Variants in STK32C observed in about 807,000 individuals in gnomAD.
STK32C encodes the protein serine/threonine-protein kinase 32C.
A neutral mutation model predicts 56.5 loss-of-function variants in STK32C; 31 were observed. That is an observed-to-expected ratio of 0.55 (90% CI 0.41 to 0.74). STK32C has a LOEUF of 0.74. STK32C is among the 30% of genes least tolerant of loss of function. STK32C has a pLI of 0.00. For missense variants in STK32C, 544 were observed against 676.9 expected (o/e 0.80, Z 2.18); for synonymous variants, 309 against 289.4 (o/e 1.07, Z -0.69).
At position 132,242,995 on chromosome 10, in the gene STK32C, G is replaced by A. The variant is rs536834711; in HGVS notation, c.318+2905C>T. ...TCCAGAGATGGGGCCCACCTTACAG[G>A]CCAGAGGGGCCGGGGCTCGGCATGG... On this transcript the variant is annotated intron_variant, in intron 2 of 11. Transcript: ENST00000298630. Among the ~76,000 whole-genome samples, 3 of 152,350 alleles carry A rather than the reference G, an allele frequency of 2.0e-5. No individual in the cohort carries two copies. In the South Asian group the frequency reaches 6.2e-4, roughly 32 times the overall value.
chr10:132,252,391 G>C (rs2063940598), intron 1 of STK32C, among the ~76,000 whole-genome samples: 3 of 152,272 alleles, frequency 2.0e-5, no homozygotes, highest in Admixed American at 2.0e-4. Context: ...AGAAGTGTGG[G>C]CATGGGTCGT....
intron 1 of STK32C, chr10:132,306,863 C>G (rs1477261648): frequency 1.3e-5 from 2 of 152,206 alleles, no homozygotes; most frequent in Non-Finnish European, 2.9e-5. Flanking sequence ...TTCGGGGGTC[C>G]CCGGGGCCCC....
chr10:132,207,549 T>C lies in STK32C; in HGVS notation c.*461A>G, dbSNP rs967122239. Reference sequence around the variant, plus strand: ...AAACTACAGAAATTGCTGGAGCAGTTTGAATCTCTAGAAAACATTCACCTC... The same window carrying C: ...AAACTACAGAAATTGCTGGAGCAGTCTGAATCTCTAGAAAACATTCACCTC... On this transcript the variant is annotated 3_prime_UTR_variant, in exon 12 of 12. Transcript: ENST00000298630. The C allele has an allele frequency of 1.9e-5, 3 of 157,504 alleles. No homozygotes were observed. Among genetic ancestry groups the C allele is most frequent in the South Asian group, 2.0e-4 (1 of 4,894 alleles). The allele number at this position is 157,504 out of a possible 1,614,324, so 9.8% of individuals were successfully genotyped here.
upstream of STK32C, among the ~76,000 whole-genome samples, chr10:132,308,489 A>T (rs978821933): frequency 6.8e-6 from 1 of 148,002 alleles, no homozygotes; most frequent in Admixed American, 6.7e-5. Flanking sequence ...CAGGCCCGGG[A>T]TGCGGGCGGC....
At chr10:132,306,425 C>A (rs2066063449) in intron 1 of STK32C, among the ~76,000 whole-genome samples, 1 of 152,242 alleles carries the variant, frequency 6.6e-6, no homozygotes, top group Admixed American at 6.5e-5. Context: ...GACGGGCCAC[C>A]CTGGAGCGTG....
At chr10:132,232,832 G>A (rs1168181994) in intron 2 of STK32C, among the ~76,000 whole-genome samples, 5 of 151,830 alleles carry the variant, frequency 3.3e-5, no homozygotes, top group African/African-American at 7.3e-5. Context: ...CGCCACTGAC[G>A]GGGAGGCCAC....
chr10:132,311,472 C>T (rs2066220859), upstream of STK32C, among the ~76,000 whole-genome samples: 2 of 152,224 alleles, frequency 1.3e-5, no homozygotes, highest in African/African-American at 4.8e-5. The surrounding 1 kb of genome is among the most constrained non-coding windows in gnomAD (Gnocchi z 4.4). Flanking sequence ...TCTTGGAAGG[C>T]CAGGGCCTTG....
At chr10:132,308,363 G>A (rs551404646), upstream of STK32C, among the ~76,000 whole-genome samples, 75 of 152,212 alleles carry the variant, frequency 4.9e-4, 1 homozygote, top group Non-Finnish European at 2.2e-4. Flanking sequence ...CGCGGTCTCC[G>A]GGGGCCTCCC....
intron 1 of STK32C, among the ~76,000 whole-genome samples, chr10:132,294,076 G>T (rs376482913): frequency 6.6e-6 from 1 of 152,200 alleles, no homozygotes; most frequent in African/African-American, 2.4e-5. Flanking sequence ...GAGGGTGGAC[G>T]GAAAAGCCTG....
chr10:132,209,873 C>A (rs1018160067), intron 10 of STK32C, among the ~76,000 whole-genome samples: 1 of 152,192 alleles, frequency 6.6e-6, no homozygotes, highest in Non-Finnish European at 1.5e-5. Flanking sequence ...AGGGCCCCCA[C>A]CTCCTGCAGC....
At chr10:132,325,782 C>T (rs975772342) in intron 1 of STK32C, among the ~76,000 whole-genome samples, 20 of 148,152 alleles carry the variant, frequency 1.3e-4, no homozygotes, top group African/African-American at 4.2e-4. Flanking sequence ...GGTGCAGTGG[C>T]GCGATCTCGG....
Position 132,245,936 on chromosome 10 carries a change from C to T in STK32C, c.282G>A (p.Gln94=). 6.2e-7 allele frequency: 1 copy of T among 1,613,662 alleles called. No individual in the cohort carries two copies. The highest frequency in any genetic ancestry group is 2.2e-5 in the East Asian group (1 of 44,872). The stretch of plus-strand genomic sequence containing the variant: ...TGCCCTTCCCAATGGCCCGAAGGAT[C>T]TGGAAGTGGTCGAAGTTCACTGCAG... ...DKEDVNFDHF[Q]ILRAIGKGSF... Residue 94 remains glutamine, a synonymous_variant, in exon 2 of 12, where the codon CAG becomes CAA. Transcript: ENST00000298630.
Position 132,256,757 on chromosome 10 carries a change from G to A in STK32C, c.263-10802C>T, listed in dbSNP as rs535182589. Among the ~76,000 whole-genome samples the A allele has an allele frequency of 4.7e-3, 716 of 152,334 alleles. 2 individuals carry two copies. Among genetic ancestry groups the A allele is most frequent in the Non-Finnish European group, 8.0e-3 (542 of 68,022 alleles). ...ACCACCCACAGGGGCAGACCTGGAG[G>A]ACTCCAAGGCCGCCTGGCCCTGCAG... is the stretch of plus-strand genomic sequence containing the variant. On this transcript the variant is annotated intron_variant, in intron 1 of 11. Transcript: ENST00000298630.
chr10:132,275,188 C>T (rs1458794420), intron 1 of STK32C, among the ~76,000 whole-genome samples: 7 of 152,220 alleles, frequency 4.6e-5, no homozygotes, highest in Non-Finnish European at 7.4e-5. Flanking sequence ...ATGGGAGGTC[C>T]GGCATCCCCG....
intron 2 of STK32C, among the ~76,000 whole-genome samples, chr10:132,236,794 G>C (rs750101375): frequency 1.3e-5 from 2 of 152,090 alleles, no homozygotes; most frequent in Non-Finnish European, 2.9e-5. Flanking sequence ...TGTCCATCAC[G>C]GTGTGACCCT....
intron 1 of STK32C, among the ~76,000 whole-genome samples, chr10:132,251,813 CAGA>C (rs1346472190): frequency 3.4e-4 from 50 of 146,254 alleles, no homozygotes; most frequent in African/African-American, 1.3e-3. Flanking sequence ...CCTGGGGCCT[CAGA>C]CCCTCCACTA....
intron 10 of STK32C, among the ~76,000 whole-genome samples, chr10:132,212,811 G>A (rs2062353647): frequency 6.6e-6 from 1 of 152,252 alleles, no homozygotes; most frequent in Non-Finnish European, 1.5e-5. Flanking sequence ...CTGAACTAAT[G>A]AAAATCAATG....
At chr10:132,261,470 G>A (rs2064305244) in intron 1 of STK32C, among the ~76,000 whole-genome samples, 1 of 152,142 alleles carries the variant, frequency 6.6e-6, no homozygotes, top group South Asian at 2.1e-4. Flanking sequence ...AAATACTGCG[G>A]ATAGAAATCA....
chr10:132,278,442 G>A (rs2065050959), intron 1 of STK32C, among the ~76,000 whole-genome samples: 1 of 149,288 alleles, frequency 6.7e-6, no homozygotes, highest in African/African-American at 2.5e-5. Flanking sequence ...CTTCTGCATA[G>A]ATAACAATAA....
Sources: allele counts gnomAD v4.1 joint callset (sites outside exome capture counted in the v4.1 genomes callset), GRCh38; gene constraint gnomAD v4.1.1; non-coding constraint Gnocchi (gnomAD v3.1); transcripts MANE v1.5; gene names NCBI Gene and HGNC (gene_info 2026-07-23, HGNC 2026-07-21).